The following CHCHD3 variants were observed in gnomAD, a reference collection of about 807,000 sequenced individuals.
The protein encoded by CHCHD3 is MICOS complex subunit MIC19.
Under a neutral mutation model 38.2 loss-of-function variants are expected in CHCHD3, and 20 were observed. The ratio of observed to expected loss-of-function variants is 0.52; its 90% CI spans 0.37 to 0.76. The LOEUF (loss-of-function observed/expected upper bound fraction) is 0.76, where lower values mean the gene tolerates loss of function less well. CHCHD3 is among the 30% of genes least tolerant of loss of function. The probability of loss-of-function intolerance (pLI) is 0.00; values close to 1 mark genes in which losing one functional copy is unlikely to be tolerated. For synonymous variants in CHCHD3, 82 were observed against 100.0 expected (o/e 0.82, Z 1.07); for missense variants, 245 against 279.2 (o/e 0.88, Z 0.87).
At chr7:132,802,046 TATACACAG>T (rs747179172) in intron 6 of CHCHD3, among the ~76,000 whole-genome samples, 2 of 152,184 alleles carry the variant, frequency 1.3e-5, no homozygotes, top group Non-Finnish European at 2.9e-5. Flanking sequence ...CAGTACTCTA[TATACACAG>T]ATACACAGTT....
chr7:133,009,694 C>T lies in CHCHD3; in HGVS notation c.251+14852G>A, dbSNP rs147006980. Among the ~76,000 whole-genome samples the T allele has an allele frequency of 1.7e-3, 252 of 152,272 alleles. 1 individual carries two copies. Among genetic ancestry groups the T allele is most frequent in the Non-Finnish European group, 2.9e-3 (199 of 68,030 alleles). ...GGGTTCATGAGGGCAAAAGTATATG[C>T]TCAGAGACACAAGAGACTTCTTGAC... On this transcript the variant is annotated intron_variant, in intron 3 of 7. Transcript: ENST00000262570.
intron 3 of CHCHD3, among the ~76,000 whole-genome samples, chr7:132,992,347 T>C (rs1458753809): frequency 6.6e-6 from 1 of 152,160 alleles, no homozygotes; most frequent in African/African-American, 2.4e-5. Context: ...CACAGGTCTC[T>C]CCTCAGAGCT....
At chr7:132,972,640 G>A in intron 4 of CHCHD3, 1 of 985,332 alleles carries the variant, frequency 1.0e-6, no homozygotes, top group Non-Finnish European at 1.2e-6. Context: ...ATGTTGCTGT[G>A]GCCATGGCAG....
intron 3 of CHCHD3, among the ~76,000 whole-genome samples, chr7:132,984,129 A>G (rs1289357119): frequency 2.7e-5 from 4 of 150,336 alleles, no homozygotes; most frequent in South Asian, 2.1e-4. Context: ...GCTGGACTGT[A>G]CTGCTGCCAT....
At chr7:133,048,634 C>T (rs1462535148) in intron 2 of CHCHD3, among the ~76,000 whole-genome samples, 1 of 152,140 alleles carries the variant, frequency 6.6e-6, no homozygotes, top group Non-Finnish European at 1.5e-5. Flanking sequence ...TAGTCATAGA[C>T]AATTGGAAAA....
At chr7:133,015,246 G>C (rs974689072) in intron 3 of CHCHD3, among the ~76,000 whole-genome samples, 5 of 152,000 alleles carry the variant, frequency 3.3e-5, no homozygotes, top group Non-Finnish European at 5.9e-5. Context: ...GGGAGGCTGA[G>C]GTAGGAAAAT....
At chr7:132,916,896 T>C (rs745523096) in intron 4 of CHCHD3, among the ~76,000 whole-genome samples, 3 of 152,188 alleles carry the variant, frequency 2.0e-5, no homozygotes, top group Admixed American at 6.5e-5. Flanking sequence ...CCCTAATTTA[T>C]AAATTAAAAT....
intron 4 of CHCHD3, among the ~76,000 whole-genome samples, chr7:132,950,752 C>T (rs1811018514): frequency 6.6e-6 from 1 of 152,094 alleles, no homozygotes; most frequent in African/African-American, 2.4e-5. Context: ...ATGTTATACT[C>T]CATAGTAGGT....
chr7:133,064,488 A>C (rs910500355), intron 2 of CHCHD3, among the ~76,000 whole-genome samples: 4 of 151,972 alleles, frequency 2.6e-5, no homozygotes, highest in Non-Finnish European at 5.9e-5. Context: ...TTTTCTCTGA[A>C]CTCTCCCTAC....
intron 5 of CHCHD3, among the ~76,000 whole-genome samples, chr7:132,840,293 T>C (rs1312676856): frequency 6.6e-6 from 1 of 152,242 alleles, no homozygotes; most frequent in East Asian, 1.9e-4. Flanking sequence ...AGGCAGTTAC[T>C]AATCACTAAC....
At chr7:133,001,222 A>G (rs1183108793) in intron 3 of CHCHD3, among the ~76,000 whole-genome samples, 2 of 152,212 alleles carry the variant, frequency 1.3e-5, no homozygotes, top group African/African-American at 4.8e-5. Flanking sequence ...GCCACTGACT[A>G]CCTTCATTTC....
chr7:133,010,636 T>C (rs569952613), intron 3 of CHCHD3, among the ~76,000 whole-genome samples: 1 of 152,288 alleles, frequency 6.6e-6, no homozygotes, highest in South Asian at 2.1e-4. Context: ...TAAAGTGCAG[T>C]GGCGTGATCT....
intron 7 of CHCHD3, among the ~76,000 whole-genome samples, chr7:132,787,032 G>A (rs1806337965): frequency 6.6e-6 from 1 of 152,174 alleles, no homozygotes; most frequent in African/African-American, 2.4e-5. Context: ...ACCATGGAGA[G>A]AATCCAGGTG....
chr7:132,845,875 C>T (rs1318113618), intron 5 of CHCHD3, among the ~76,000 whole-genome samples: 3 of 152,050 alleles, frequency 2.0e-5, no homozygotes, highest in African/African-American at 7.2e-5. Context: ...AACTGATGTT[C>T]AAAAGGTAAT....
At chr7:132,802,368 C>A (rs866970622) in intron 6 of CHCHD3, among the ~76,000 whole-genome samples, 4 of 152,100 alleles carry the variant, frequency 2.6e-5, no homozygotes, top group African/African-American at 9.7e-5. Context: ...TCATTCTACC[C>A]TTCACAGAAA....
At chr7:132,943,152 T>G (rs774861974) in intron 4 of CHCHD3, among the ~76,000 whole-genome samples, 19 of 152,104 alleles carry the variant, frequency 1.2e-4, no homozygotes, top group Non-Finnish European at 2.5e-4. Context: ...ATACATACAT[T>G]CCAGATACTG....
At chr7:132,789,161 C>A (rs1806396199) in intron 7 of CHCHD3, among the ~76,000 whole-genome samples, 1 of 152,086 alleles carries the variant, frequency 6.6e-6, no homozygotes, top group Non-Finnish European at 1.5e-5. Context: ...GGCTGAATTT[C>A]AACGCTGCAT....
chr7:132,930,682 T>C (rs1418266692), intron 4 of CHCHD3, among the ~76,000 whole-genome samples: 1 of 152,160 alleles, frequency 6.6e-6, no homozygotes. Flanking sequence ...CCTCCACACC[T>C]GTCCTGTTAT....
At chr7:133,042,151 T>C (rs549769928) in intron 2 of CHCHD3, among the ~76,000 whole-genome samples, 1 of 152,350 alleles carries the variant, frequency 6.6e-6, no homozygotes, top group Non-Finnish European at 1.5e-5. Flanking sequence ...ATGTCCAATT[T>C]TATAAAAGAT....
Sources: gnomAD v4.1 joint callset for allele counts (sites outside exome capture counted in the v4.1 genomes callset) on GRCh38, gnomAD v4.1.1 for gene constraint, MANE v1.5 for transcripts, NCBI Gene and HGNC (gene_info 2026-07-23, HGNC 2026-07-21) for gene names.